Variants in XKRX observed in about 807,000 individuals in gnomAD.
XKRX encodes the protein XK related X-linked.
In XKRX, 11 loss-of-function variants were observed where a neutral mutation model predicts 22.4. That is an observed-to-expected ratio of 0.49 (90% CI 0.31 to 0.81). The LOEUF (loss-of-function observed/expected upper bound fraction) is 0.81, where lower values mean the gene tolerates loss of function less well. Among genes scored for constraint, XKRX ranks in the 40% least tolerant of loss-of-function variants. XKRX has a pLI of 0.05. For missense variants in XKRX, 320 were observed against 336.5 expected (o/e 0.95, Z 0.38); for synonymous variants, 114 against 132.2 (o/e 0.86, Z 0.94).
the XKRX span, chrX:100,888,561 C>T: frequency 5.7e-5 from 31 of 542,295 alleles, no homozygotes; most frequent in Non-Finnish European, 6.8e-5. Context: ...CTCAGCTATT[C>T]GGGCTCTTTA....
upstream of XKRX, among the ~76,000 whole-genome samples, chrX:100,933,492 A>C (rs1465214674): frequency 9.1e-6 from 1 of 109,943 alleles, no homozygotes. Flanking sequence ...AAAAAAAAAA[A>C]AAAAAAAACA....
intron 2 of XKRX, among the ~76,000 whole-genome samples, chrX:100,921,062 C>T (rs1012026464): frequency 9.0e-6 from 1 of 111,685 alleles, no homozygotes; most frequent in Non-Finnish European, 1.9e-5. Flanking sequence ...CCACCATACC[C>T]GGCTAATTTT....
At chrX:100,955,302 T>G in the XKRX span, among the ~76,000 whole-genome samples, 8 of 112,160 alleles carry the variant, frequency 7.1e-5, no homozygotes, top group Non-Finnish European at 1.5e-4. Context: ...TGATTACCAT[T>G]AGCTAAAACT....
chrX:100,914,545 G>A lies in XKRX; in HGVS notation c.1143C>T (p.Ser381=), dbSNP rs1197515352. The change falls in exon 3 of 3, where the codon TCC becomes TCT. Residue 381 remains serine (S), a synonymous_variant. Transcript: ENST00000372956. ...GVKVLLNYCH[S]LIALQLIIAY... ...CAATAATGAGCTGCAAGGCAATCAA[G>A]GAATGACAGTAATTCAGTAACACTT... The A allele has an allele frequency of 8.3e-7, 1 of 1,211,833 alleles. No homozygotes were observed. Among genetic ancestry groups the A allele is most frequent in the Admixed American group, 2.2e-5 (1 of 46,037 alleles).
chrX:100,911,838 T>A (rs1195380306), downstream of XKRX, among the ~76,000 whole-genome samples: 1 of 111,432 alleles, frequency 9.0e-6, no homozygotes, highest in Admixed American at 9.6e-5. Flanking sequence ...GAGTCTTTTC[T>A]CCTTGGGTGA....
chrX:100,917,691 AAAG>A (rs2085449993), intron 2 of XKRX, among the ~76,000 whole-genome samples: 1 of 97,351 alleles, frequency 1.0e-5, no homozygotes, highest in African/African-American at 4.2e-5. Context: ...AGAAAGAAAG[AAAG>A]AAAGAAAGAA....
At chrX:100,945,452 C>T in the XKRX span, among the ~76,000 whole-genome samples, 1 of 111,868 alleles carries the variant, frequency 8.9e-6, no homozygotes. Context: ...ATGTGAATCA[C>T]CTGGGATATT....
At chrX:100,888,405 C>T in the XKRX span, 1,704 of 897,595 alleles carry the variant, frequency 1.9e-3, 2 homozygotes, top group Non-Finnish European at 2.4e-3. Flanking sequence ...TCCACAGTGG[C>T]GTATGTAACA....
chrX:100,939,656 C>A, the XKRX span, among the ~76,000 whole-genome samples: 1 of 112,106 alleles, frequency 8.9e-6, no homozygotes, highest in East Asian at 2.8e-4. Context: ...GTTGCCACAC[C>A]TCCAGGGTAA....
chrX:100,932,814 G>C (rs2085525033), upstream of XKRX, among the ~76,000 whole-genome samples: 1 of 112,461 alleles, frequency 8.9e-6, no homozygotes. Flanking sequence ...TCAATAGCCA[G>C]AATGGAAGAT....
At chrX:100,915,701 TGTGTGTGC>T (rs1398111441) in intron 2 of XKRX, among the ~76,000 whole-genome samples, 1 of 103,117 alleles carries the variant, frequency 9.7e-6, no homozygotes, top group African/African-American at 4.1e-5. Flanking sequence ...TGTGTGTGTG[TGTGTGTGC>T]GTGTGTGTGT....
At chrX:100,888,514 G>A in the XKRX span, 149 of 745,753 alleles carry the variant, frequency 2.0e-4, no homozygotes, top group Middle Eastern at 1.4e-3. Context: ...GGCTCTCGTC[G>A]GTTGTTTCAA....
Position 100,914,419 on chromosome X carries a change from G to A in XKRX, c.1269C>T (p.Val423=). Residue 423 remains valine (V), a synonymous_variant, in exon 3 of 3, where the codon GTC becomes GTT. Transcript: ENST00000372956. ...TGGTCCGAGGGTGCTGGTGACAGCA[G>A]ACACAATGGAGGTAGTCTACTACAT... ...THNVVDYLHC[V]CCHQHPRTRV... is the part of the protein sequence containing the mutation. The A allele has an allele frequency of 1.7e-6, 2 of 1,211,673 alleles. No homozygotes were observed. Among genetic ancestry groups the A allele is most frequent in the Non-Finnish European group, 2.2e-6 (2 of 895,187 alleles).
In XKRX at chrX:100,928,496, G is replaced by T; in HGVS notation, c.-192C>A. On this transcript the variant is annotated 5_prime_UTR_variant, in exon 1 of 3. Coordinates refer to ENST00000372956, the MANE Select transcript of XKRX (RefSeq NM_212559.3). ...TAGACTCAGATTCGACTTGGAGTCT[G>T]GGATGGAAAGCCCAGGAGTACCACT... 9.2e-7 allele frequency: 1 copy of T among 1,085,120 alleles called. No homozygotes were observed. Among genetic ancestry groups the T allele is most frequent in the East Asian group, 3.2e-5 (1 of 31,112 alleles). The allele number at this position is 1,085,120 out of a possible 1,213,427, so 89.4% of individuals were successfully genotyped here.
At chrX:100,926,954 G>C (rs2085500263) in intron 1 of XKRX, among the ~76,000 whole-genome samples, 1 of 111,483 alleles carries the variant, frequency 9.0e-6, no homozygotes, top group Admixed American at 9.6e-5. Flanking sequence ...ACCACAGATG[G>C]TTTAAAATAG....
intron 1 of XKRX, among the ~76,000 whole-genome samples, chrX:100,926,524 A>G (rs770252215): frequency 1.8e-5 from 2 of 112,417 alleles, no homozygotes; most frequent in Non-Finnish European, 3.8e-5. Context: ...TTAGTTTCAC[A>G]GACTTTTTAG....
chrX:100,900,142 G>C, the XKRX span, among the ~76,000 whole-genome samples: 2 of 112,020 alleles, frequency 1.8e-5, no homozygotes, highest in African/African-American at 6.5e-5. Context: ...GCTCACTGCA[G>C]CCTCAACCTC....
chrX:100,911,509 A>G (rs2085406967), downstream of XKRX: 10 of 671,077 alleles, frequency 1.5e-5, no homozygotes, highest in Admixed American at 2.2e-4. Flanking sequence ...TTAATATATA[A>G]TTATTGAGGA....
downstream of XKRX, among the ~76,000 whole-genome samples, chrX:100,909,967 T>C (rs1372665861): frequency 1.0e-5 from 1 of 95,596 alleles, no homozygotes; most frequent in Non-Finnish European, 2.1e-5. Flanking sequence ...GCCAGGAATA[T>C]AGTAGGTGCT....
Sources: gnomAD v4.1 joint callset for allele counts (sites outside exome capture counted in the v4.1 genomes callset) on GRCh38, gnomAD v4.1.1 for gene constraint, MANE v1.5 for transcripts, NCBI Gene and HGNC (gene_info 2026-07-23, HGNC 2026-07-21) for gene names.